SLC2A13: variants seen among roughly 807,000 people sequenced by gnomAD.
SLC2A13 encodes the protein solute carrier family 2 member 13, also known as proton myo-inositol cotransporter.
SLC2A13 carries 32 observed loss-of-function variants against 64.4 expected under a neutral mutation model. That is an observed-to-expected ratio of 0.50 (90% CI 0.37 to 0.67). SLC2A13 has a LOEUF of 0.67. Ranked by LOEUF, SLC2A13 falls within the 30% of genes least tolerant of loss-of-function variation. The pLI is 0.00. For synonymous variants in SLC2A13, 338 were observed against 327.1 expected (o/e 1.03, Z -0.36); for missense variants, 743 against 829.2 (o/e 0.90, Z 1.28).
chr12:39,975,384 A>C (rs575337376), intron 3 of SLC2A13, among the ~76,000 whole-genome samples: 65 of 152,340 alleles, frequency 4.3e-4, no homozygotes, highest in Non-Finnish European at 7.5e-4. Context: ...AGACAATCTA[A>C]ATTCAGACAC....
chr12:39,761,484 C>T (rs1392080131), intron 9 of SLC2A13, among the ~76,000 whole-genome samples: 1 of 151,856 alleles, frequency 6.6e-6, no homozygotes, highest in Admixed American at 6.6e-5. Context: ...AAAGTGATGC[C>T]CAGATTGTTA....
chr12:39,914,672 A>G (rs181497089), intron 4 of SLC2A13, among the ~76,000 whole-genome samples: 2 of 152,064 alleles, frequency 1.3e-5, no homozygotes, highest in East Asian at 3.9e-4. Flanking sequence ...CCTAATATAT[A>G]TACATACTCA....
chr12:39,871,714 G>T, intron 5 of SLC2A13, 84 bp downstream of exon 5: 1 of 1,338,172 alleles, frequency 7.5e-7, no homozygotes, highest in Non-Finnish European at 1.0e-6. Flanking sequence ...ATTAGAAGTG[G>T]TGTAAGTATT....
intron 4 of SLC2A13, among the ~76,000 whole-genome samples, chr12:39,910,462 A>AT (rs1945404730): frequency 6.6e-6 from 1 of 151,996 alleles, no homozygotes; most frequent in African/African-American, 2.4e-5. Context: ...AGTCTAAGGA[A>AT]TTTTTTTCAG....
chr12:39,907,587 C>T lies in SLC2A13; in HGVS notation c.1035-35626G>A, dbSNP rs377276848. On this transcript the variant is annotated intron_variant, in intron 4 of 9. Transcript: ENST00000280871. ...TGTTTTAATGGAAAAGTATGTTAAACGATGATCTAATTTTGAGTGTTAAGA... is the reference window on the plus strand; with the variant it reads ...TGTTTTAATGGAAAAGTATGTTAAATGATGATCTAATTTTGAGTGTTAAGA... 7.9e-5 allele frequency: 12 copies of T among 152,178 alleles called. No homozygotes were observed. The South Asian group carries it at 1.2e-3, about 16-fold the overall frequency. The allele number at this position is 152,178 out of a possible 1,614,324, so 9.4% of individuals were successfully genotyped here. A position where few individuals can be genotyped will look rare whatever the true frequency, so the allele number is the denominator to read the frequency against.
chr12:39,980,661 C>A (rs1398476309), intron 3 of SLC2A13, among the ~76,000 whole-genome samples: 1 of 150,380 alleles, frequency 6.6e-6, no homozygotes, highest in Admixed American at 6.6e-5. Context: ...CAGGAGCACC[C>A]AGATTCATAA....
intron 7 of SLC2A13, among the ~76,000 whole-genome samples, chr12:39,817,737 T>C (rs1353978888): frequency 6.6e-6 from 1 of 152,226 alleles, no homozygotes; most frequent in Non-Finnish European, 1.5e-5. Flanking sequence ...CGTATGCAGA[T>C]GCCAAACACT....
At position 39,921,126 on chromosome 12, in the gene SLC2A13, C is replaced by T. The variant is rs145498291; in HGVS notation, c.1034+30131G>A. On this transcript the variant is annotated intron_variant, in intron 4 of 9. Coordinates refer to ENST00000280871, the MANE Select transcript of SLC2A13 (RefSeq NM_052885.4). ...GTTTTATACATAGGGTTTCTAATTG[C>T]GTTATCTAGCACTAGGATTATCTAT... 4.4e-3 allele frequency among the ~76,000 whole-genome samples: 670 copies of T among 152,116 alleles called. 9 individuals carry two copies. The highest frequency in any genetic ancestry group is 0.015 in the African/African-American group (619 of 41,442).
intron 6 of SLC2A13, among the ~76,000 whole-genome samples, chr12:39,859,505 C>T (rs1385923631): frequency 6.6e-6 from 1 of 151,872 alleles, no homozygotes; most frequent in African/African-American, 2.4e-5. Flanking sequence ...CTGGTTAAGA[C>T]TCTTAATTGA....
intron 7 of SLC2A13, among the ~76,000 whole-genome samples, chr12:39,802,722 TATAAAGATACAGAG>T (rs1941835517): frequency 6.6e-6 from 1 of 152,146 alleles, no homozygotes; most frequent in Admixed American, 6.6e-5. Context: ...TATATATAGA[TATAAAGATACAGAG>T]ATAAAGATAG....
At chr12:39,768,698 C>G (rs1419880771) in intron 7 of SLC2A13, among the ~76,000 whole-genome samples, 2 of 151,752 alleles carry the variant, frequency 1.3e-5, no homozygotes, top group Non-Finnish European at 2.9e-5. Context: ...TTTGTGATGC[C>G]CGACAACAAT....
intron 7 of SLC2A13, among the ~76,000 whole-genome samples, chr12:39,794,986 G>A (rs1002820258): frequency 6.6e-6 from 1 of 152,122 alleles, no homozygotes; most frequent in African/African-American, 2.4e-5. Context: ...CTGTTCAGCA[G>A]TCTCATTCTA....
chr12:39,787,752 AT>A (rs1374414850), intron 7 of SLC2A13, among the ~76,000 whole-genome samples: 8 of 152,226 alleles, frequency 5.3e-5, no homozygotes, highest in Admixed American at 5.2e-4. Context: ...TAATAAATAA[AT>A]GACATGATGT....
At chr12:39,894,710 A>G (rs187578047) in intron 4 of SLC2A13, among the ~76,000 whole-genome samples, 25 of 152,330 alleles carry the variant, frequency 1.6e-4, no homozygotes, top group Admixed American at 1.4e-3. Context: ...CATTAAGTTC[A>G]AAGTCAATCC....
chr12:39,798,754 T>A (rs897458601), intron 7 of SLC2A13, among the ~76,000 whole-genome samples: 8 of 152,146 alleles, frequency 5.3e-5, no homozygotes, highest in Non-Finnish European at 1.0e-4. Flanking sequence ...TTTGGAAACA[T>A]AAAAATCTTT....
intron 4 of SLC2A13, among the ~76,000 whole-genome samples, chr12:39,900,102 T>C (rs1413022501): frequency 1.3e-5 from 2 of 152,108 alleles, no homozygotes; most frequent in Non-Finnish European, 2.9e-5. Flanking sequence ...CATGATTATC[T>C]CAATAGAGGC....
intron 4 of SLC2A13, among the ~76,000 whole-genome samples, chr12:39,934,568 T>C (rs1945886134): frequency 1.3e-5 from 2 of 152,312 alleles, no homozygotes; most frequent in East Asian, 3.9e-4. Flanking sequence ...ATTTGGTCCT[T>C]GCAAACAGTC....
chr12:39,945,288 G>A (rs893649254), intron 4 of SLC2A13, among the ~76,000 whole-genome samples: 5 of 152,120 alleles, frequency 3.3e-5, no homozygotes, highest in African/African-American at 1.2e-4. Flanking sequence ...CAGCTCTTAA[G>A]ATTCTTTCCT....
chr12:39,900,142 C>T (rs145158678), intron 4 of SLC2A13, among the ~76,000 whole-genome samples: 2 of 128,300 alleles, frequency 1.6e-5, no homozygotes, highest in East Asian at 3.7e-4. Flanking sequence ...ATTCAACAAC[C>T]CTTCAGGCTA....
Sources: allele counts gnomAD v4.1 joint callset (sites outside exome capture counted in the v4.1 genomes callset), GRCh38; gene constraint gnomAD v4.1.1; transcripts MANE v1.5; gene names NCBI Gene and HGNC (gene_info 2026-07-23, HGNC 2026-07-21).